SFI1: variants seen among roughly 807,000 people sequenced by gnomAD.
SFI1 encodes the protein protein SFI1 homolog.
SFI1 carries 195 observed loss-of-function variants against 207.5 expected under a neutral mutation model. The ratio of observed to expected loss-of-function variants is 0.94; its 90% CI spans 0.84 to 1.06. The LOEUF (loss-of-function observed/expected upper bound fraction) is 1.06, where lower values mean the gene tolerates loss of function less well. SFI1 is among the 50% of genes least tolerant of loss of function. SFI1 has a pLI of 0.00. For synonymous variants in SFI1, 630 were observed against 598.9 expected (o/e 1.05, Z -0.76); for missense variants, 1,634 against 1,588.0 (o/e 1.03, Z -0.49).
chr22:31,569,009 C>T (rs2062684605), intron 8 of SFI1, among the ~76,000 whole-genome samples: 1 of 152,120 alleles, frequency 6.6e-6, no homozygotes, highest in South Asian at 2.1e-4. Context: ...AAAATTAAAG[C>T]ATTTTAATTC....
At chr22:31,502,421 C>T (rs1474948478) in intron 1 of SFI1, among the ~76,000 whole-genome samples, 3 of 151,270 alleles carry the variant, frequency 2.0e-5, no homozygotes, top group Non-Finnish European at 4.4e-5. Flanking sequence ...GTCACCCAGG[C>T]TGGAGTGTAA....
intron 15 of SFI1, among the ~76,000 whole-genome samples, chr22:31,597,526 T>C (rs2067332909): frequency 1.3e-5 from 2 of 152,204 alleles, no homozygotes; most frequent in Non-Finnish European, 2.9e-5. Context: ...AGTCTGTCTC[T>C]CTGAGCCTCA....
rs1048365457 is a variant in SFI1, at chr22:31,594,920, C to T, written c.1544+5343C>T. Among the ~76,000 whole-genome samples, 4 of 150,394 alleles carry T rather than the reference C, an allele frequency of 2.7e-5. No homozygotes were observed. In the South Asian group the frequency reaches 6.3e-4, roughly 24 times the overall value. ...CAGATCTACATCTTTTTAGTTCCCA[C>T]AGGGACAAACTTGCCCACAGCAGGT... On this transcript the variant is annotated intron_variant, in intron 15 of 32. Transcript: ENST00000400288.
chr22:31,554,106 G>A (rs909823128), intron 6 of SFI1, among the ~76,000 whole-genome samples: 2 of 151,394 alleles, frequency 1.3e-5, no homozygotes, highest in East Asian at 3.9e-4. Context: ...CCAAAGCCCT[G>A]GGATTACAGT....
chr22:31,578,649 G>A (rs1446913985), intron 11 of SFI1, among the ~76,000 whole-genome samples, 197 bp downstream of exon 11: 3 of 152,190 alleles, frequency 2.0e-5, no homozygotes, highest in Non-Finnish European at 2.9e-5. Flanking sequence ...GGTCAGAGGG[G>A]TATGGAGCTG....
intron 20 of SFI1, 102 bp from the exon 21 acceptor site, chr22:31,606,226 C>T: frequency 9.6e-7 from 1 of 1,044,544 alleles, no homozygotes; most frequent in Non-Finnish European, 1.5e-6. Context: ...GTGTAGAGTC[C>T]CTGACTCAGG....
chr22:31,590,979 A>ATTTTT (rs201390550), intron 15 of SFI1, among the ~76,000 whole-genome samples: 3,295 of 142,122 alleles, frequency 0.023, 38 homozygotes, highest in Non-Finnish European at 0.031. Context: ...TTATTTATTT[A>ATTTTT]TTTTTTTATT....
chr22:31,542,114 AAAAAAAG>A (rs1398796841), intron 4 of SFI1, among the ~76,000 whole-genome samples: 1 of 150,096 alleles, frequency 6.7e-6, no homozygotes, highest in Non-Finnish European at 1.5e-5. Flanking sequence ...AAAAAAAAAA[AAAAAAAG>A]AAATGTACAG....
At chr22:31,519,123 T>C (rs1405462582) in intron 2 of SFI1, among the ~76,000 whole-genome samples, 1 of 152,030 alleles carries the variant, frequency 6.6e-6, no homozygotes, top group Admixed American at 6.6e-5. Flanking sequence ...ATACTACATA[T>C]CAATATATGA....
chr22:31,618,410 C>T lies in SFI1; in HGVS notation c.3721C>T (p.Leu1241=). The change falls in exon 33 of 33, where the codon CTG becomes TTG. Residue 1241 remains leucine, a synonymous_variant. Coordinates refer to ENST00000400288, the MANE Select transcript of SFI1 (RefSeq NM_001007467.3). ...CCGCATCCAGGCCCTGCGGCAGGCC[C>T]TGTGCTAGCGTGTTCGCACCAGGAA... is the stretch of plus-strand genomic sequence containing the variant. ...VARIQALRQA[L]C is the part of the protein sequence containing the mutation. The T allele has an allele frequency of 1.9e-6, 3 of 1,590,024 alleles. No individual in the cohort carries two copies. Among genetic ancestry groups the T allele is most frequent in the Non-Finnish European group, 2.6e-6 (3 of 1,166,280 alleles).
chr22:31,606,467 G>T, intron 21 of SFI1, 37 bp downstream of exon 21: 1 of 1,565,034 alleles, frequency 6.4e-7, no homozygotes, highest in Non-Finnish European at 8.8e-7. Context: ...ACCCAGGAGA[G>T]TTGGGACTGT....
intron 2 of SFI1, 102 bp from the exon 3 acceptor site, chr22:31,528,588 A>C: frequency 9.4e-7 from 1 of 1,058,642 alleles, no homozygotes. Flanking sequence ...TGTCAGTCTC[A>C]ATGAGCTTAT....
chr22:31,604,557 G>A (rs1461590833), intron 19 of SFI1, 153 bp downstream of exon 19: 1 of 667,034 alleles, frequency 1.5e-6, no homozygotes, highest in African/African-American at 1.8e-5. Flanking sequence ...CGGGCCTTAG[G>A]CCATAGGGTT....
intron 22 of SFI1, among the ~76,000 whole-genome samples, chr22:31,608,692 G>A (rs1332079459): frequency 6.6e-6 from 1 of 152,100 alleles, no homozygotes; most frequent in Non-Finnish European, 1.5e-5. Context: ...GGTTGGGGAG[G>A]GGGTTGTTTT....
At chr22:31,559,601 A>C in intron 7 of SFI1, 1 of 671,906 alleles carries the variant, frequency 1.5e-6, no homozygotes, top group Non-Finnish European at 2.8e-6. Context: ...GGTTGACAGT[A>C]CACTCATAGT....
intron 15 of SFI1, among the ~76,000 whole-genome samples, chr22:31,596,920 CGGT>C (rs2067211348): frequency 6.6e-6 from 1 of 150,572 alleles, no homozygotes; most frequent in African/African-American, 2.5e-5. Context: ...CACGCACACA[CGGT>C]ACCCGTTTCT....
In SFI1 at chr22:31,618,141, T is replaced by A. The variant is rs771586554; in HGVS notation, c.3539T>A (p.Leu1180Gln). Residue 1180 changes from leucine to glutamine, a missense_variant, in exon 32 of 33, where the codon CTG (leucine) becomes CAG (glutamine). Coordinates refer to ENST00000400288, the MANE Select transcript of SFI1 (RefSeq NM_001007467.3). Reference protein sequence around the residue: ...LWSCRRQASSLRRWLELNREE... With the variant: ...LWSCRRQASSQRRWLELNREE... ...TCCTGTCGGCGGCAAGCGAGCAGCC[T>A]GCGCAGGTGGCTGGAGCTGAACAGA... is the stretch of plus-strand genomic sequence containing the variant. 1 of 1,584,498 alleles carries A rather than the reference T, an allele frequency of 6.3e-7. No individual in the cohort carries two copies. Among genetic ancestry groups the A allele is most frequent in the African/African-American group, 1.3e-5 (1 of 74,740 alleles).
Position 31,615,244 on chromosome 22 carries a change from T to G in SFI1, c.3265T>G (p.Ser1089Ala). The change falls in exon 29 of 33, where the codon TCC (serine) becomes GCC (alanine). Residue 1089 changes from serine (S) to alanine (A), a missense_variant. Physicochemically the swap from Ser to Ala is moderately conservative, Grantham distance 99. Coordinates refer to ENST00000400288, the MANE Select transcript of SFI1 (RefSeq NM_001007467.3). ...GGAGCTGCTGCTGCTGCCTCTTTCCTCCTTCATGCCCTGCGGGGCGGCTGC... is the reference window on the plus strand; with the variant it reads ...GGAGCTGCTGCTGCTGCCTCTTTCCGCCTTCATGCCCTGCGGGGCGGCTGC... ...GPELLLLPLS[S>A]FMPCGAAAPA... 1 of 1,525,188 alleles carries G rather than the reference T, an allele frequency of 6.6e-7. No individual in the cohort carries two copies. Among genetic ancestry groups the G allele is most frequent in the Non-Finnish European group, 8.7e-7 (1 of 1,144,206 alleles). 94.5% of individuals were successfully genotyped at this position (1,525,188 alleles called of 1,614,324 possible).
intron 1 of SFI1, among the ~76,000 whole-genome samples, chr22:31,507,914 A>C (rs2054878650): frequency 6.6e-6 from 1 of 151,860 alleles, no homozygotes; most frequent in South Asian, 2.1e-4. Flanking sequence ...GTCTCTACTG[A>C]AAAATACAAA....
Sources: allele counts gnomAD v4.1 joint callset (sites outside exome capture counted in the v4.1 genomes callset), GRCh38; gene constraint gnomAD v4.1.1; transcripts MANE v1.5; gene names NCBI Gene and HGNC (gene_info 2026-07-23, HGNC 2026-07-21).